Variants in TTC28 observed in about 807,000 individuals in gnomAD.
TTC28 encodes tetratricopeptide repeat protein 28.
A neutral mutation model predicts 198.0 loss-of-function variants in TTC28; 61 were observed. The ratio of observed to expected loss-of-function variants is 0.31; its 90% CI spans 0.25 to 0.38. The LOEUF (loss-of-function observed/expected upper bound fraction) is 0.38. Among genes scored for constraint, TTC28 ranks in the 10% least tolerant of loss-of-function variants. The pLI, the probability that TTC28 is intolerant of heterozygous loss-of-function variation, is 1.00. For missense variants in TTC28, 2,678 were observed against 3,164.0 expected, an observed-to-expected ratio of 0.85 and a Z score of 3.69; for synonymous variants, 1,171 against 1,297.8, an observed-to-expected ratio of 0.90 and a Z score of 2.10.
At chr22:28,201,781 G>A (rs1249544326) in intron 5 of TTC28, among the ~76,000 whole-genome samples, 1 of 148,160 alleles carries the variant, frequency 6.7e-6, no homozygotes, top group Non-Finnish European at 1.5e-5. Flanking sequence ...AGGGGAGCCA[G>A]TGTGAACACA....
At position 28,221,490 on chromosome 22, in the gene TTC28, C is replaced by G. The variant is rs575468604; in HGVS notation, c.934-57891G>C. Among the ~76,000 whole-genome samples the G allele has an allele frequency of 3.3e-5, 5 of 152,292 alleles. No homozygotes were observed. The East Asian group carries it at 9.6e-4, about 29-fold the overall frequency. On this transcript the variant is annotated intron_variant, in intron 5 of 22. Coordinates refer to ENST00000397906, the MANE Select transcript of TTC28 (RefSeq NM_001145418.2). ...GGAGCTAAGCAAGAGAAGACAAGAA[C>G]TGGCTTTGATAGTTTCTCATTGCTT...
At chr22:28,391,039 G>T (rs1224382203) in intron 2 of TTC28, among the ~76,000 whole-genome samples, 1 of 152,016 alleles carries the variant, frequency 6.6e-6, no homozygotes, top group African/African-American at 2.4e-5. Context: ...CAGGCCTGGT[G>T]GTGACAAAAT....
intron 12 of TTC28, among the ~76,000 whole-genome samples, chr22:28,041,923 ATGAAC>A (rs1229213464): frequency 6.6e-6 from 1 of 152,232 alleles, no homozygotes; most frequent in Non-Finnish European, 1.5e-5. Context: ...GGCAAAAGAT[ATGAAC>A]AGACACTTCT....
At chr22:28,168,248 AAGGTAATTTATAGAT>A (rs1272754866) in intron 5 of TTC28, among the ~76,000 whole-genome samples, 10 of 152,224 alleles carry the variant, frequency 6.6e-5, no homozygotes, top group African/African-American at 9.6e-5. Context: ...CATACTGCCC[AAGGTAATTTATAGAT>A]TCAAGGCCAT....
At chr22:28,488,379 C>CT in intron 2 of TTC28, among the ~76,000 whole-genome samples, 1 of 152,306 alleles carries the variant, frequency 6.6e-6, no homozygotes, top group East Asian at 1.9e-4. Context: ...AATAAAGTTG[C>CT]TTTCCTTTCA....
At chr22:28,337,879 C>G (rs1476733477) in intron 2 of TTC28, among the ~76,000 whole-genome samples, 1 of 152,302 alleles carries the variant, frequency 6.6e-6, no homozygotes, top group Non-Finnish European at 1.5e-5. Flanking sequence ...TTGATCCTGT[C>G]TTTATGATGT....
At chr22:28,621,800 G>A (rs932991571) in intron 2 of TTC28, among the ~76,000 whole-genome samples, 2 of 150,284 alleles carry the variant, frequency 1.3e-5, no homozygotes, top group Non-Finnish European at 3.0e-5. Flanking sequence ...AGAGTATGAA[G>A]GAATTATTTA....
At chr22:28,204,401 G>A (rs1031780555) in intron 5 of TTC28, among the ~76,000 whole-genome samples, 1 of 152,122 alleles carries the variant, frequency 6.6e-6, no homozygotes, top group African/African-American at 2.4e-5. Flanking sequence ...TCTTTATCAG[G>A]AGACTGTCCT....
At chr22:28,189,154 C>T (rs1481254351) in intron 5 of TTC28, among the ~76,000 whole-genome samples, 1 of 152,068 alleles carries the variant, frequency 6.6e-6, no homozygotes, top group Admixed American at 6.6e-5. Flanking sequence ...TCAAGACCAT[C>T]CTGGGCAACA....
At chr22:28,552,520 T>C (rs1048095758) in intron 2 of TTC28, among the ~76,000 whole-genome samples, 22 of 152,060 alleles carry the variant, frequency 1.4e-4, no homozygotes, top group Admixed American at 3.3e-4. Context: ...GGTACTGGTA[T>C]AAAAATAGGC....
At chr22:28,533,656 A>G (rs958334120) in intron 2 of TTC28, among the ~76,000 whole-genome samples, 1 of 152,226 alleles carries the variant, frequency 6.6e-6, no homozygotes, top group African/African-American at 2.4e-5. Flanking sequence ...CTGACTTCAA[A>G]CTATACTACA....
At chr22:28,485,198 C>A (rs1245736563) in intron 2 of TTC28, among the ~76,000 whole-genome samples, 1 of 152,104 alleles carries the variant, frequency 6.6e-6, no homozygotes, top group Non-Finnish European at 1.5e-5. Flanking sequence ...TTAGAAGAGA[C>A]TACAAAATCT....
At chr22:28,290,644 G>A (rs777932786) in intron 5 of TTC28, among the ~76,000 whole-genome samples, 7 of 152,122 alleles carry the variant, frequency 4.6e-5, no homozygotes, top group African/African-American at 9.7e-5. Flanking sequence ...TGGCGTGGTC[G>A]CTCATGCCTA....
At position 27,982,377 on chromosome 22, in the gene TTC28, G is replaced by A. The variant is rs1207439544; in HGVS notation, c.7290C>T (p.Pro2430=). 1.3e-6 allele frequency: 2 copies of A among 1,550,240 alleles called. No individual in the cohort carries two copies. Among genetic ancestry groups the A allele is most frequent in the Non-Finnish European group, 1.7e-6 (2 of 1,146,426 alleles). ...TGGTCTCGGTGCGCCAGTGTCCGTT[G>A]GGAGGGGCTTTCGGTGGAGCTCCGT... ...QHDGAPPKAP[P]NGHWRTETTS... Residue 2430 remains proline (P), a synonymous_variant, in exon 23 of 23, where the codon CCC becomes CCT. Transcript: ENST00000397906. This position sits in a 1 kb window ranked among gnomAD's most constrained non-coding sequence, Gnocchi z 5.2.
intron 12 of TTC28, among the ~76,000 whole-genome samples, chr22:28,038,477 T>C (rs980398049): frequency 1.3e-5 from 2 of 152,200 alleles, no homozygotes; most frequent in African/African-American, 4.8e-5. Flanking sequence ...TGTAGAAAGC[T>C]GAAACTGGAT....
intron 6 of TTC28, among the ~76,000 whole-genome samples, chr22:28,113,344 T>C (rs1942540718): frequency 6.6e-6 from 1 of 152,334 alleles, no homozygotes; most frequent in Admixed American, 6.5e-5. Flanking sequence ...TTCAAACAAA[T>C]TGTTTTCTGC....
At chr22:28,118,954 A>C (rs1247345845) in intron 6 of TTC28, among the ~76,000 whole-genome samples, 1 of 152,186 alleles carries the variant, frequency 6.6e-6, no homozygotes, top group East Asian at 1.9e-4. Flanking sequence ...AAAAAATTTT[A>C]TATCTGTTGC....
At position 27,982,325 on chromosome 22, in the gene TTC28, C is replaced by T. The variant is rs373854784; in HGVS notation, c.7342G>A (p.Ala2448Thr). The T allele has an allele frequency of 5.5e-5, 84 of 1,528,236 alleles. 1 individual carries two copies. Among genetic ancestry groups the T allele is most frequent in the Middle Eastern group, 1.7e-4 (1 of 5,836 alleles). The allele number at this position is 1,528,236 out of a possible 1,614,324, so 94.7% of individuals were successfully genotyped here. A position where few individuals can be genotyped will look rare whatever the true frequency, so the allele number is the denominator to read the frequency against. Residue 2448 changes from alanine to threonine, a missense_variant, in exon 23 of 23, where the codon GCC (alanine) becomes ACC (threonine). By Grantham distance (58) the Ala-to-Thr change is moderately conservative. Coordinates refer to ENST00000397906, the MANE Select transcript of TTC28 (RefSeq NM_001145418.2). The surrounding 1 kb of genome is among the most constrained non-coding windows in gnomAD (Gnocchi z 5.2). ...TTSLGSLPLP[A>T]GPPATAPARP... ...GCGGGGGCTGTGGCGGGAGGGCCGG[C>T]GGGCAGCGGCAGTGAGCCCAGCGAG...
chr22:28,284,607 A>T (rs2044645484), intron 5 of TTC28, among the ~76,000 whole-genome samples: 1 of 152,122 alleles, frequency 6.6e-6, no homozygotes, highest in Non-Finnish European at 1.5e-5. Flanking sequence ...AAAATTTATA[A>T]AATACATATT....
Sources: allele counts gnomAD v4.1 joint callset (sites outside exome capture counted in the v4.1 genomes callset), GRCh38; gene constraint gnomAD v4.1.1; non-coding constraint Gnocchi (gnomAD v3.1); transcripts MANE v1.5; gene names NCBI Gene and HGNC (gene_info 2026-07-23, HGNC 2026-07-21).